Variants in UFL1 observed in about 807,000 individuals in gnomAD.
UFL1 encodes the protein E3 UFM1-protein ligase 1.
UFL1 carries 78 observed loss-of-function variants against 99.3 expected under a neutral mutation model. That is an observed-to-expected ratio of 0.79 (90% CI 0.65 to 0.95). The LOEUF (loss-of-function observed/expected upper bound fraction) is 0.95, where lower values mean the gene tolerates loss of function less well. Ranked by LOEUF, UFL1 falls within the 40% of genes least tolerant of loss-of-function variation. The pLI is 0.00. For synonymous variants in UFL1, 335 were observed against 322.2 expected, an observed-to-expected ratio of 1.04 and a Z score of -0.42; for missense variants, 936 against 937.0, an observed-to-expected ratio of 1.00 and a Z score of 0.01.
chr6:96,528,165 C>T (rs1156758219), intron 5 of UFL1, among the ~76,000 whole-genome samples: 2 of 152,126 alleles, frequency 1.3e-5, no homozygotes, highest in African/African-American at 4.8e-5. Context: ...TTGGAGGCTG[C>T]CTATATCTAG....
At chr6:96,550,971 C>A (rs545833805) in intron 15 of UFL1, among the ~76,000 whole-genome samples, 8 of 152,062 alleles carry the variant, frequency 5.3e-5, no homozygotes, top group African/African-American at 1.9e-4. Flanking sequence ...CTTCAGTGGA[C>A]ACTTACATGT....
chr6:96,547,510 C>T (rs903912185), intron 12 of UFL1, among the ~76,000 whole-genome samples: 1 of 151,608 alleles, frequency 6.6e-6, no homozygotes, highest in Non-Finnish European at 1.5e-5. Context: ...TGAAAAGACA[C>T]ATATACTCTT....
rs1046322885 is a variant in UFL1, at chr6:96,545,224, A to T, written c.1402+2208A>T. On this transcript the variant is annotated intron_variant, in intron 12 of 18. Transcript: ENST00000369278. Reference sequence around the variant, plus strand: ...TTTGAGCCATTTTATTTTTATTTGTAAAGTTTTTGCTTATAGAATCAATAA... The same window carrying T: ...TTTGAGCCATTTTATTTTTATTTGTTAAGTTTTTGCTTATAGAATCAATAA... Among the ~76,000 whole-genome samples the T allele has an allele frequency of 2.0e-5, 3 of 151,072 alleles. No homozygotes were observed. In the East Asian group the frequency reaches 5.8e-4, roughly 29 times the overall value.
Position 96,538,688 on chromosome 6 carries a change from A to T in UFL1, c.1036A>T (p.Met346Leu), listed in dbSNP as rs762774333. Residue 346 changes from methionine to leucine, a missense_variant, in exon 10 of 19, where the codon ATG becomes TTG. Physicochemically the swap from Met to Leu is conservative, Grantham distance 15. Transcript: ENST00000369278. ...TGCTGCCATATTGCTTCAGCAGGTG[A>T]TGAGGGCATTCAGCAAACAGGCCTC... Reference protein sequence around the residue: ...EDAAILLQQVMRAFSKQASTV... With the variant: ...EDAAILLQQVLRAFSKQASTV... 1 of 1,611,658 alleles carries T rather than the reference A, an allele frequency of 6.2e-7. No homozygotes were observed.
intron 2 of UFL1, 104 bp from the exon 3 acceptor site, chr6:96,524,278 T>C: frequency 1.0e-6 from 1 of 1,002,280 alleles, no homozygotes; most frequent in South Asian, 1.6e-5. Flanking sequence ...TGGCTCTCTG[T>C]TCTATGCAGG....
chr6:96,539,851 G>T (rs1473784250), intron 10 of UFL1, among the ~76,000 whole-genome samples: 2 of 151,332 alleles, frequency 1.3e-5, no homozygotes, highest in East Asian at 1.9e-4. Context: ...TTGGAAAAAG[G>T]TGATTCTGTC....
At chr6:96,523,104 T>C (rs772906062) in intron 1 of UFL1, 42 bp from the exon 2 acceptor site, 2 of 1,559,480 alleles carry the variant, frequency 1.3e-6, no homozygotes, top group South Asian at 2.5e-5. Context: ...AGCGCCAATG[T>C]CTCAAGTGGA....
Position 96,523,226 on chromosome 6 carries a change from G to T in UFL1, c.158G>T (p.Gly53Val), listed in dbSNP as rs1357213220. ...CTAGAAGTAGTTCATACACTCGATG[G>T]AAAGGAATATATTACTCCAGCCCAA... ...KQLEVVHTLDGKEYITPAQIS... is the reference protein window; with the variant it reads ...KQLEVVHTLDVKEYITPAQIS... Residue 53 changes from glycine (G) to valine (V), a missense_variant, in exon 2 of 19, where the codon GGA (glycine) becomes GTA (valine). By Grantham distance (109) the Gly-to-Val change is moderately radical. Coordinates refer to ENST00000369278, the MANE Select transcript of UFL1 (RefSeq NM_015323.5). 6.2e-7 allele frequency: 1 copy of T among 1,613,204 alleles called. No homozygotes were observed. Among genetic ancestry groups the T allele is most frequent in the Admixed American group, 1.7e-5 (1 of 59,944 alleles).
In UFL1 at chr6:96,554,331, A is replaced by G. The variant is rs780292584; in HGVS notation, c.*828A>G. 6 of 152,202 alleles carry G rather than the reference A, an allele frequency of 3.9e-5. No homozygotes were observed. The highest frequency in any genetic ancestry group is 7.3e-5 in the Non-Finnish European group (5 of 68,040). The allele number at this position is 152,202 out of a possible 1,614,324, so 9.4% of individuals were successfully genotyped here. A position where few individuals can be genotyped will look rare whatever the true frequency, so the allele number is the denominator to read the frequency against. On this transcript the variant is annotated 3_prime_UTR_variant, in exon 19 of 19. Transcript: ENST00000369278. ...TTTAGTTCAACAGCTGCTCTGTCAC[A>G]TAATACTTTGTAAATACTAGTGTGA...
At chr6:96,522,075 C>T (rs1769621142) in intron 1 of UFL1, 125 bp downstream of exon 1, 3 of 1,102,564 alleles carry the variant, frequency 2.7e-6, no homozygotes, top group Non-Finnish European at 3.9e-6. Flanking sequence ...CCATTCTCTC[C>T]TCCTCCCTCT....
chr6:96,534,361 G>A (rs1304723843), intron 7 of UFL1, 40 bp downstream of exon 7: 3 of 1,368,612 alleles, frequency 2.2e-6, no homozygotes, highest in Admixed American at 4.6e-5. Context: ...ATTAGCTGCT[G>A]AATAGACTAT....
chr6:96,544,190 C>G (rs899708250), intron 12 of UFL1, among the ~76,000 whole-genome samples: 1 of 150,952 alleles, frequency 6.6e-6, no homozygotes, highest in Non-Finnish European at 1.5e-5. Context: ...CATAGTAACA[C>G]CTAACTGGTT....
At position 96,555,106 on chromosome 6, in the gene UFL1, T is replaced by G. The variant is rs546672500; in HGVS notation, c.*1603T>G. ...AATTTTTTTCATTTGTCAAAATGCTTCTTTTGTTGCCACAGTAAAGAACAG... is the reference window on the plus strand; with the variant it reads ...AATTTTTTTCATTTGTCAAAATGCTGCTTTTGTTGCCACAGTAAAGAACAG... On this transcript the variant is annotated 3_prime_UTR_variant, in exon 19 of 19. Coordinates refer to ENST00000369278, the MANE Select transcript of UFL1 (RefSeq NM_015323.5). The G allele has an allele frequency of 1.4e-4, 21 of 152,664 alleles. No individual in the cohort carries two copies. The highest frequency in any genetic ancestry group is 9.8e-4 in the Admixed American group (15 of 15,276). 9.5% of individuals were successfully genotyped at this position (152,664 alleles called of 1,614,324 possible). A position where few individuals can be genotyped will look rare whatever the true frequency, so the allele number is the denominator to read the frequency against.
intron 2 of UFL1, among the ~76,000 whole-genome samples, chr6:96,523,888 G>A (rs1769662733): frequency 6.6e-6 from 1 of 152,120 alleles, no homozygotes; most frequent in Admixed American, 6.5e-5. Flanking sequence ...TTATCAGAGT[G>A]TAACATTGGT....
intron 6 of UFL1, 23 bp downstream of exon 6, chr6:96,528,655 A>G (rs901811415): frequency 2.6e-6 from 4 of 1,562,114 alleles, no homozygotes; most frequent in East Asian, 2.3e-5. Flanking sequence ...TAAAGTATAT[A>G]TATTTGCACA....
intron 12 of UFL1, among the ~76,000 whole-genome samples, chr6:96,543,605 A>G (rs1769960426): frequency 6.6e-6 from 1 of 151,170 alleles, no homozygotes; most frequent in Non-Finnish European, 1.5e-5. Flanking sequence ...GCTCAAGAAA[A>G]TGAGGAAAGT....
In UFL1 at chr6:96,534,265, C is replaced by G; in HGVS notation, c.599C>G (p.Pro200Arg). Residue 200 changes from proline to arginine, a missense_variant and splice_region_variant, in exon 7 of 19, where the codon CCT becomes CGT. Transcript: ENST00000369278. ...TTTTTTTTTAACTTTCCATAAAGGC[C>G]TACAGCTGTGAATTCTTTGATTTCA... is the stretch of plus-strand genomic sequence containing the variant. The part of the protein sequence containing the change: ...IRGLFSAITR[P>R]TAVNSLISKY... 6.4e-7 allele frequency: 1 copy of G among 1,564,808 alleles called. No individual in the cohort carries two copies.
chr6:96,536,295 G>C lies in UFL1; in HGVS notation c.707G>C (p.Gly236Ala). Reference protein sequence around the residue: ...NSGRLRGTVVGGRQDKAVFVP... With the variant: ...NSGRLRGTVVAGRQDKAVFVP... ...GGACGCTTACGAGGCACTGTGGTTG[G>C]TGGGAGACAGGATAAAGCTGTGTTT... Residue 236 changes from glycine (G) to alanine (A), a missense_variant, in exon 8 of 19, where the codon GGT (glycine) becomes GCT (alanine). Physicochemically the swap from Gly to Ala is moderately conservative, Grantham distance 60. Transcript: ENST00000369278. 1.2e-6 allele frequency: 2 copies of C among 1,611,266 alleles called. No individual in the cohort carries two copies.
chr6:96,524,464 G>T, intron 3 of UFL1, 54 bp downstream of exon 3: 1 of 1,393,792 alleles, frequency 7.2e-7, no homozygotes, highest in Non-Finnish European at 9.9e-7. Flanking sequence ...TTTTGATACT[G>T]TGAATTTGTT....
Sources: gnomAD v4.1 joint callset for allele counts (sites outside exome capture counted in the v4.1 genomes callset) on GRCh38, gnomAD v4.1.1 for gene constraint, MANE v1.5 for transcripts, NCBI Gene and HGNC (gene_info 2026-07-23, HGNC 2026-07-21) for gene names.